Variants in SCMH1 observed in about 807,000 individuals in gnomAD.
The protein encoded by SCMH1 is polycomb protein SCMH1.
A neutral mutation model predicts 70.8 loss-of-function variants in SCMH1; 37 were observed. The observed-to-expected ratio is 0.52, with a 90% CI of 0.40 to 0.69. The LOEUF (loss-of-function observed/expected upper bound fraction) is 0.69, where lower values mean the gene tolerates loss of function less well. Among genes scored for constraint, SCMH1 ranks in the 30% least tolerant of loss-of-function variants. The pLI, the probability that SCMH1 is intolerant of heterozygous loss-of-function variation, is 0.00. For missense variants in SCMH1, 607 were observed against 827.3 expected (o/e 0.73, Z 3.27); for synonymous variants, 292 against 307.4 (o/e 0.95, Z 0.52).
chr1:41,195,825 C>A (rs1652893529), intron 1 of SCMH1, among the ~76,000 whole-genome samples: 1 of 152,024 alleles, frequency 6.6e-6, no homozygotes. Flanking sequence ...TCTACAGATC[C>A]CACAAAAAAG....
intron 8 of SCMH1, among the ~76,000 whole-genome samples, chr1:41,105,059 G>A (rs1667554757): frequency 6.6e-6 from 1 of 151,990 alleles, no homozygotes; most frequent in Admixed American, 6.6e-5. Flanking sequence ...GGGTTCAAGT[G>A]ATTCTCCTGC....
At chr1:41,211,285 TA>T in intron 1 of SCMH1, among the ~76,000 whole-genome samples, 1 of 152,220 alleles carries the variant, frequency 6.6e-6, no homozygotes, top group Admixed American at 6.5e-5. Context: ...AGGGCTAATA[TA>T]CAGAATCTAT....
chr1:41,234,616 AG>A (rs1349134855), intron 1 of SCMH1, among the ~76,000 whole-genome samples: 22 of 151,704 alleles, frequency 1.5e-4, no homozygotes, highest in Admixed American at 1.4e-3. Flanking sequence ...CTGGGACTAC[AG>A]GCACCCGCCA....
chr1:41,164,528 G>A (rs2148455049), intron 2 of SCMH1, among the ~76,000 whole-genome samples: 1 of 152,274 alleles, frequency 6.6e-6, no homozygotes, highest in East Asian at 1.9e-4. Flanking sequence ...ATCTTGTTTA[G>A]TGGTGAATCC....
chr1:41,224,868 G>GA (rs566486014), intron 1 of SCMH1, among the ~76,000 whole-genome samples: 1 of 151,964 alleles, frequency 6.6e-6, no homozygotes, highest in Non-Finnish European at 1.5e-5. Flanking sequence ...TACAAGTGAA[G>GA]AAAAAAAGAT....
At chr1:41,077,987 A>G (rs998838726) in intron 8 of SCMH1, among the ~76,000 whole-genome samples, 4 of 152,214 alleles carry the variant, frequency 2.6e-5, no homozygotes, top group African/African-American at 9.6e-5. Flanking sequence ...TTTAAAAATC[A>G]TAATTAAAAT....
At chr1:41,150,271 G>A (rs551332756) in intron 5 of SCMH1, among the ~76,000 whole-genome samples, 21 of 152,278 alleles carry the variant, frequency 1.4e-4, no homozygotes, top group African/African-American at 4.8e-4. Flanking sequence ...GGGAGGCCAA[G>A]GTGGGTGGAT....
intron 1 of SCMH1, among the ~76,000 whole-genome samples, chr1:41,228,351 C>T (rs753113324): frequency 3.3e-5 from 5 of 152,072 alleles, no homozygotes; most frequent in Non-Finnish European, 5.9e-5. Context: ...ATGAGGGTTG[C>T]GCAGCAATGT....
chr1:41,086,900 A>AC (rs1661857769), intron 8 of SCMH1, among the ~76,000 whole-genome samples: 1 of 128,930 alleles, frequency 7.8e-6, no homozygotes, highest in East Asian at 2.4e-4. Flanking sequence ...AAAAAAAAAA[A>AC]AAAACCCCAA....
In SCMH1 at chr1:41,113,411, T is replaced by C. The variant is rs1290152388; in HGVS notation, c.617A>G (p.Glu206Gly). ...CCACCCATCAAAAGTGACAAGCACC[T>C]CTGAGCCCCGAACCTCCCCAATAGT... The change falls in exon 8 of 15, where the codon GAG (glutamate) becomes GGG (glycine). Residue 206 changes from glutamate to glycine, a missense_variant. This residue lies in a region of SCMH1 where 105 missense variants were observed against 214.5 expected (regional missense o/e 0.49). Transcript: ENST00000337495. This position sits in a 1 kb window ranked among gnomAD's most constrained non-coding sequence, Gnocchi z 4.3. 1 of 1,614,038 alleles carries C rather than the reference T, an allele frequency of 6.2e-7. No homozygotes were observed. Among genetic ancestry groups the C allele is most frequent in the Non-Finnish European group, 8.5e-7 (1 of 1,179,958 alleles).
chr1:41,035,610 T>C (rs1284336012), intron 13 of SCMH1, among the ~76,000 whole-genome samples: 1 of 152,210 alleles, frequency 6.6e-6, no homozygotes, highest in Non-Finnish European at 1.5e-5. Flanking sequence ...TGCCTCCTTT[T>C]GGCTTAAGAC....
chr1:41,066,880 G>A (rs1654784732), intron 10 of SCMH1, among the ~76,000 whole-genome samples: 1 of 152,078 alleles, frequency 6.6e-6, no homozygotes, highest in African/African-American at 2.4e-5. Flanking sequence ...ATGAGCCACT[G>A]TGCCCAGCCC....
chr1:41,177,368 C>A (rs918737499), intron 2 of SCMH1, among the ~76,000 whole-genome samples: 1 of 151,834 alleles, frequency 6.6e-6, no homozygotes, highest in Non-Finnish European at 1.5e-5. Flanking sequence ...TCCCCACCAG[C>A]AATGGAACAA....
chr1:41,234,294 T>C (rs563166827), intron 1 of SCMH1, among the ~76,000 whole-genome samples: 1 of 152,016 alleles, frequency 6.6e-6, no homozygotes, highest in African/African-American at 2.4e-5. Flanking sequence ...TTAAAATAAT[T>C]CCACATACAA....
intron 2 of SCMH1, among the ~76,000 whole-genome samples, chr1:41,164,329 AC>A (rs1646265947): frequency 1.3e-5 from 2 of 152,022 alleles, no homozygotes; most frequent in South Asian, 4.2e-4. Context: ...CAGAAATCAT[AC>A]CACATTTCTA....
At chr1:41,058,421 C>T (rs1209355715) in intron 10 of SCMH1, among the ~76,000 whole-genome samples, 1 of 120,552 alleles carries the variant, frequency 8.3e-6, no homozygotes, top group African/African-American at 3.3e-5. Context: ...CGCTCTATCA[C>T]CCAGGCTGGA....
intron 6 of SCMH1, among the ~76,000 whole-genome samples, chr1:41,134,069 A>G (rs1232140350): frequency 6.6e-6 from 1 of 152,248 alleles, no homozygotes; most frequent in Non-Finnish European, 1.5e-5. Context: ...GCAGCACATC[A>G]AAAAGCGTAT....
intron 6 of SCMH1, among the ~76,000 whole-genome samples, chr1:41,131,311 A>C (rs1674644458): frequency 6.6e-6 from 1 of 152,162 alleles, no homozygotes; most frequent in South Asian, 2.1e-4. Context: ...TAAGTTTTGA[A>C]ATCAGAAAAT....
chr1:41,104,942 C>T (rs911112819), intron 8 of SCMH1, among the ~76,000 whole-genome samples: 1 of 149,952 alleles, frequency 6.7e-6, no homozygotes, highest in African/African-American at 2.4e-5. Flanking sequence ...AATTAAAAAA[C>T]CGTAACATTA....
Sources: gnomAD v4.1 joint callset for allele counts (sites outside exome capture counted in the v4.1 genomes callset) on GRCh38, gnomAD v4.1.1 for gene constraint, gnomAD v4.1.1 regional missense constraint, Gnocchi (gnomAD v3.1) non-coding constraint, MANE v1.5 for transcripts, NCBI Gene and HGNC (gene_info 2026-07-23, HGNC 2026-07-21) for gene names.